Variants in MACROD2 observed in about 807,000 individuals in gnomAD.
MACROD2 encodes the protein ADP-ribose glycohydrolase MACROD2.
In MACROD2, 36 loss-of-function variants were observed where a neutral mutation model predicts 70.4. The observed-to-expected ratio is 0.51, with a 90% confidence interval of 0.39 to 0.68. The LOEUF is 0.68. MACROD2 is among the 30% of genes least tolerant of loss of function. The pLI is 0.00. For missense variants in MACROD2, 496 were observed against 538.4 expected, an observed-to-expected ratio of 0.92 and a Z score of 0.78; for synonymous variants, 172 against 178.8, an observed-to-expected ratio of 0.96 and a Z score of 0.30.
chr20:15,498,607 A>G (rs536729289), intron 7 of MACROD2, among the ~76,000 whole-genome samples: 25 of 152,310 alleles, frequency 1.6e-4, no homozygotes, highest in African/African-American at 5.8e-4. Context: ...AAAATTCAGG[A>G]GAAGAAGTCA....
chr20:14,989,978 G>GATTTCTCT (rs2074887007), intron 5 of MACROD2, among the ~76,000 whole-genome samples: 1 of 152,090 alleles, frequency 6.6e-6, no homozygotes, highest in African/African-American at 2.4e-5. Context: ...CATGAGCTGT[G>GATTTCTCT]GTTTCTCTGG....
chr20:15,073,083 A>G (rs542314409), intron 5 of MACROD2, among the ~76,000 whole-genome samples: 2 of 152,218 alleles, frequency 1.3e-5, no homozygotes, highest in Non-Finnish European at 2.9e-5. Flanking sequence ...GCACCTTGAT[A>G]TTGGACTTTC....
In MACROD2 at chr20:16,049,818, CTT is replaced by C. The variant is rs1448768045; in HGVS notation, c.1301-10_1301-9del. On this transcript the variant is annotated splice_polypyrimidine_tract_variant and intron_variant, in intron 17 of 17. Coordinates refer to ENST00000684519, the MANE Select transcript of MACROD2 (RefSeq NM_001351661.2). ...ATCTTTAATCTAACAAATGGCTTCT[CTT>C]TGTCTTCAGCAGGGGCACAAGATGA... 2.5e-6 allele frequency: 4 copies of C among 1,612,954 alleles called. No homozygotes were observed. The highest frequency in any genetic ancestry group is 3.4e-6 in the Non-Finnish European group (4 of 1,179,402).
At chr20:15,491,834 G>T (rs528469593) in intron 7 of MACROD2, among the ~76,000 whole-genome samples, 1 of 152,348 alleles carries the variant, frequency 6.6e-6, no homozygotes, top group African/African-American at 2.4e-5. Flanking sequence ...AAAGCAGCTT[G>T]CAAGGACACA....
At chr20:15,111,173 G>GTTTTTTT (rs1299612264) in intron 5 of MACROD2, among the ~76,000 whole-genome samples, 3 of 78,330 alleles carry the variant, frequency 3.8e-5, no homozygotes, top group African/African-American at 1.7e-4. Flanking sequence ...GTTTGTTTTT[G>GTTTTTTT]TTTGTTTTTT....
At chr20:15,537,125 G>A (rs1267067494) in intron 8 of MACROD2, among the ~76,000 whole-genome samples, 1 of 152,076 alleles carries the variant, frequency 6.6e-6, no homozygotes, top group Non-Finnish European at 1.5e-5. Flanking sequence ...TCCTGGGGGT[G>A]GTTTCCATCA....
chr20:15,346,782 C>T (rs545531339), intron 6 of MACROD2, among the ~76,000 whole-genome samples: 8 of 152,328 alleles, frequency 5.3e-5, no homozygotes, highest in Middle Eastern at 3.4e-3. Flanking sequence ...TCTCCGTTTA[C>T]GATGACTGTC....
intron 8 of MACROD2, among the ~76,000 whole-genome samples, chr20:15,589,833 T>C (rs1024191568): frequency 6.6e-6 from 1 of 152,208 alleles, no homozygotes; most frequent in African/African-American, 2.4e-5. Context: ...CTCCATGTCT[T>C]TTCATGGCTT....
intron 5 of MACROD2, among the ~76,000 whole-genome samples, chr20:14,948,332 A>C (rs548006235): frequency 2.0e-5 from 3 of 152,184 alleles, no homozygotes; most frequent in Non-Finnish European, 4.4e-5. Context: ...AGCTGCCTTC[A>C]CCTTGGTGAC....
At chr20:13,997,180 T>G (rs937262293) in intron 1 of MACROD2, among the ~76,000 whole-genome samples, 2 of 152,206 alleles carry the variant, frequency 1.3e-5, no homozygotes, top group African/African-American at 4.8e-5. Context: ...AGTCATTTAA[T>G]TATGTTTTAA....
At chr20:15,454,042 G>A (rs2146398963) in intron 7 of MACROD2, among the ~76,000 whole-genome samples, 1 of 152,192 alleles carries the variant, frequency 6.6e-6, no homozygotes, top group South Asian at 2.1e-4. Context: ...ATGAATATTG[G>A]GTTTATGGAG....
At chr20:15,068,598 C>T (rs2075595546) in intron 5 of MACROD2, among the ~76,000 whole-genome samples, 1 of 152,102 alleles carries the variant, frequency 6.6e-6, no homozygotes. Context: ...ACCTCCTTCC[C>T]TCTCTCTTGC....
chr20:15,324,512 T>C (rs1001411921), intron 6 of MACROD2, among the ~76,000 whole-genome samples: 2 of 152,300 alleles, frequency 1.3e-5, no homozygotes, highest in East Asian at 1.9e-4. Context: ...GCCAAAAACA[T>C]TGTCAACTCT....
intron 8 of MACROD2, among the ~76,000 whole-genome samples, chr20:15,706,420 C>T (rs1036938562): frequency 1.3e-4 from 20 of 152,114 alleles, no homozygotes; most frequent in South Asian, 1.0e-3. Flanking sequence ...TTCTTGGTTA[C>T]GCACTGTGAG....
At chr20:15,151,600 G>T (rs1364172614) in intron 5 of MACROD2, among the ~76,000 whole-genome samples, 1 of 151,990 alleles carries the variant, frequency 6.6e-6, no homozygotes, top group African/African-American at 2.4e-5. Flanking sequence ...CACCTTTTAG[G>T]GTCTAGGGCT....
At chr20:15,248,843 A>T (rs2077129261) in intron 6 of MACROD2, among the ~76,000 whole-genome samples, 1 of 151,988 alleles carries the variant, frequency 6.6e-6, no homozygotes, top group Admixed American at 6.6e-5. Flanking sequence ...CCCCACAAGA[A>T]CTCTCATATC....
intron 6 of MACROD2, among the ~76,000 whole-genome samples, chr20:15,255,145 A>G (rs1248830834): frequency 6.6e-6 from 1 of 152,000 alleles, no homozygotes; most frequent in East Asian, 1.9e-4. Flanking sequence ...TCTTAAACAG[A>G]TTATATTGAA....
chr20:14,669,001 T>C (rs1432681376), intron 4 of MACROD2, among the ~76,000 whole-genome samples: 1 of 152,172 alleles, frequency 6.6e-6, no homozygotes, highest in East Asian at 1.9e-4. Flanking sequence ...TTTTTCTTAA[T>C]CAGAAAAAGA....
intron 4 of MACROD2, among the ~76,000 whole-genome samples, chr20:14,593,229 T>TAA (rs1981899306): frequency 6.6e-6 from 1 of 152,222 alleles, no homozygotes; most frequent in Non-Finnish European, 1.5e-5. Context: ...TCTTATTCGA[T>TAA]TAGAGGAAAT....
Sources: allele counts gnomAD v4.1 joint callset (sites outside exome capture counted in the v4.1 genomes callset), GRCh38; gene constraint gnomAD v4.1.1; transcripts MANE v1.5; gene names NCBI Gene and HGNC (gene_info 2026-07-23, HGNC 2026-07-21).